The following ABHD6 variants were observed in gnomAD, a reference collection of about 807,000 sequenced individuals.
ABHD6 encodes abhydrolase domain containing 6, acylglycerol lipase.
ABHD6 carries 33 observed loss-of-function variants against 38.8 expected under a neutral mutation model. The observed-to-expected ratio is 0.85, with a 90% CI of 0.64 to 1.14. The LOEUF (loss-of-function observed/expected upper bound fraction) is 1.14, where lower values mean the gene tolerates loss of function less well. Among genes scored for constraint, ABHD6 ranks in the 50% most tolerant of loss-of-function variants. The probability of loss-of-function intolerance (pLI) is 0.00; values close to 1 mark genes in which losing one functional copy is unlikely to be tolerated. For synonymous variants in ABHD6, 147 were observed against 161.6 expected, an observed-to-expected ratio of 0.91 and a Z score of 0.69; for missense variants, 380 against 422.6, an observed-to-expected ratio of 0.90 and a Z score of 0.88.
intron 3 of ABHD6, among the ~76,000 whole-genome samples, chr3:58,262,257 G>A (rs553796176): frequency 6.6e-6 from 1 of 152,302 alleles, no homozygotes; most frequent in African/African-American, 2.4e-5. Context: ...GATAGTGGTG[G>A]TAGTTTTACA....
At chr3:58,248,138 T>G (rs1424339355) in intron 1 of ABHD6, among the ~76,000 whole-genome samples, 2 of 152,166 alleles carry the variant, frequency 1.3e-5, no homozygotes, top group African/African-American at 4.8e-5. Context: ...CCATGCTTTT[T>G]TGAGTTAATG....
intron 3 of ABHD6, chr3:58,258,264 G>C: frequency 2.9e-6 from 1 of 340,118 alleles, no homozygotes; most frequent in Non-Finnish European, 6.0e-6. Context: ...CTGAGATCGC[G>C]CCATTGCACT....
chr3:58,240,158 T>C (rs978264487), intron 1 of ABHD6, among the ~76,000 whole-genome samples: 2 of 151,656 alleles, frequency 1.3e-5, no homozygotes, highest in Non-Finnish European at 1.5e-5. Flanking sequence ...TCTCAAAAAA[T>C]AAAATAAATA....
chr3:58,252,895 ATGT>A (rs1179208308), intron 2 of ABHD6, among the ~76,000 whole-genome samples: 1 of 152,226 alleles, frequency 6.6e-6, no homozygotes, highest in Non-Finnish European at 1.5e-5. Flanking sequence ...AAAATGAAGG[ATGT>A]TGTAGAGATA....
chr3:58,290,161 C>CA (rs2097460961), intron 9 of ABHD6, among the ~76,000 whole-genome samples: 1 of 98,184 alleles, frequency 1.0e-5, no homozygotes, highest in East Asian at 3.7e-4. Context: ...GCTGGCCGGG[C>CA]GGGGGGCTGA....
At chr3:58,286,868 A>ATATATATATG (rs1559784516) in intron 9 of ABHD6, among the ~76,000 whole-genome samples, 22 of 128,286 alleles carry the variant, frequency 1.7e-4, no homozygotes, top group East Asian at 1.3e-3. Flanking sequence ...ATATATATAT[A>ATATATATATG]TGTATATGTA....
In ABHD6 at chr3:58,285,153, C is replaced by G; in HGVS notation, c.736+14C>G. On this transcript the variant is annotated intron_variant, in intron 8 of 9. Transcript: ENST00000478253. The surrounding 1 kb of genome is among the most constrained non-coding windows in gnomAD (Gnocchi z 4.9). ...TCTACCGAAAGTGTAAGTAGCCCTA[C>G]TTTCAGCTTGGAGCTTGTTACAAGT... 2 of 1,613,410 alleles carry G rather than the reference C, an allele frequency of 1.2e-6. No homozygotes were observed. The highest frequency in any genetic ancestry group is 3.3e-5 in the Admixed American group (2 of 60,020).
At position 58,289,548 on chromosome 3, in the gene ABHD6, C is replaced by T. The variant is rs939728866; in HGVS notation, c.838-4041C>T. On this transcript the variant is annotated intron_variant, in intron 9 of 9. Transcript: ENST00000478253. ...ACATGTTTCAGAGAGCACAGGGTTG[C>T]GGGGTAAGGTCACAGATCAACAGGA... Among the ~76,000 whole-genome samples the T allele has an allele frequency of 4.0e-5, 6 of 149,358 alleles. No individual in the cohort carries two copies. In the East Asian group the frequency reaches 5.8e-4, roughly 14 times the overall value.
At chr3:58,271,486 GC>G (rs2097444827) in intron 6 of ABHD6, among the ~76,000 whole-genome samples, 1 of 152,010 alleles carries the variant, frequency 6.6e-6, no homozygotes, top group African/African-American at 2.4e-5. Context: ...TCTTGCAGTA[GC>G]CCTGTGAGGT....
At chr3:58,255,040 T>C (rs1464664047) in intron 2 of ABHD6, among the ~76,000 whole-genome samples, 1 of 152,058 alleles carries the variant, frequency 6.6e-6, no homozygotes, top group Non-Finnish European at 1.5e-5. Flanking sequence ...CATTCTATGC[T>C]AGAATGAACT....
At chr3:58,260,691 G>A (rs2097436341) in intron 3 of ABHD6, among the ~76,000 whole-genome samples, 1 of 152,176 alleles carries the variant, frequency 6.6e-6, no homozygotes, top group Admixed American at 6.5e-5. Context: ...AGACCTAGGT[G>A]GGTCAGGTTA....
Position 58,256,046 on chromosome 3 carries a change from T to G in ABHD6, c.-25-516T>G, listed in dbSNP as rs1275873035. ...CCAGTGGTTAGCATTTTACCATATT[T>G]GCTTTATTTCTCTCTCTTTTCCTCC... On this transcript the variant is annotated intron_variant, in intron 2 of 9. Transcript: ENST00000478253. The surrounding 1 kb of genome is among the most constrained non-coding windows in gnomAD (Gnocchi z 4.3). 6.6e-6 allele frequency among the ~76,000 whole-genome samples: 1 copy of G among 151,230 alleles called. No homozygotes were observed. Among genetic ancestry groups the G allele is most frequent in the African/African-American group, 2.4e-5 (1 of 41,028 alleles).
rs374546928 is a variant in ABHD6, at chr3:58,287,464, A to G, written c.837+2011A>G. On this transcript the variant is annotated intron_variant, in intron 9 of 9. Coordinates refer to ENST00000478253, the MANE Select transcript of ABHD6 (RefSeq NM_001320126.2). This position sits in a 1 kb window ranked among gnomAD's most constrained non-coding sequence, Gnocchi z 4.7. ...TGTGCCCATGGCGTGTACGCAGAAT[A>G]AGAGGCAATGGTGTCTTAGATGAGC... 1.1e-4 allele frequency among the ~76,000 whole-genome samples: 17 copies of G among 152,214 alleles called. 1 individual carries two copies. In the East Asian group the frequency reaches 2.1e-3, roughly 19 times the overall value.
At chr3:58,291,468 A>C (rs1288061388) in intron 9 of ABHD6, among the ~76,000 whole-genome samples, 1 of 152,162 alleles carries the variant, frequency 6.6e-6, no homozygotes, top group Non-Finnish European at 1.5e-5. Flanking sequence ...TATGTTGGCC[A>C]GGCTGGTCTC....
At chr3:58,255,007 G>A (rs1439199522) in intron 2 of ABHD6, among the ~76,000 whole-genome samples, 1 of 151,794 alleles carries the variant, frequency 6.6e-6, no homozygotes, top group East Asian at 1.9e-4. Context: ...CATGGGCCAC[G>A]GAACCCAGCC....
intron 9 of ABHD6, among the ~76,000 whole-genome samples, chr3:58,291,967 CA>C (rs11364749): frequency 0.048 from 7,381 of 152,278 alleles, 631 homozygotes; most frequent in African/African-American, 0.17. Flanking sequence ...CAAAAAAAGA[CA>C]CTCAGTTGGG....
intron 7 of ABHD6, among the ~76,000 whole-genome samples, chr3:58,280,060 A>G (rs942770873): frequency 1.3e-5 from 2 of 151,926 alleles, no homozygotes; most frequent in East Asian, 1.9e-4. Context: ...TCTGACAATT[A>G]TGTGTCTTGG....
rs1266971007 is a variant in ABHD6 at position 58,259,483 on chromosome 3, C to T, written c.119+2778C>T. Among the ~76,000 whole-genome samples the T allele has an allele frequency of 6.6e-6, 1 of 152,070 alleles. No individual in the cohort carries two copies. Among genetic ancestry groups the T allele is most frequent in the East Asian group, 1.9e-4 (1 of 5,178 alleles). On this transcript the variant is annotated intron_variant, in intron 3 of 9. Transcript: ENST00000478253. This position sits in a 1 kb window ranked among gnomAD's most constrained non-coding sequence, Gnocchi z 4.7. The stretch of plus-strand genomic sequence containing the variant: ...TCACTTGAGGCCAGGAGTTCGAGAC[C>T]AGCCTGGCCAACATGGCGAAACCCC...
chr3:58,240,497 A>C (rs2097422035), intron 1 of ABHD6, among the ~76,000 whole-genome samples: 1 of 152,212 alleles, frequency 6.6e-6, no homozygotes, highest in Non-Finnish European at 1.5e-5. Flanking sequence ...AATATTTGGA[A>C]GATGCCAGGA....
Sources: gnomAD v4.1 joint callset for allele counts (sites outside exome capture counted in the v4.1 genomes callset) on GRCh38, gnomAD v4.1.1 for gene constraint, Gnocchi (gnomAD v3.1) non-coding constraint, MANE v1.5 for transcripts, NCBI Gene and HGNC (gene_info 2026-07-23, HGNC 2026-07-21) for gene names.